Variants in RBP2 observed in about 807,000 individuals in gnomAD.
The protein encoded by RBP2 is retinol binding protein 2.
RBP2 carries 17 observed loss-of-function variants against 17.0 expected under a neutral mutation model. The ratio of observed to expected loss-of-function variants is 1.00; its 90% confidence interval spans 0.68 to 1.50. The LOEUF is 1.50. Ranked by LOEUF, RBP2 falls within the 40% of genes most tolerant of loss-of-function variation. The probability of loss-of-function intolerance (pLI) is 0.00; values close to 1 mark genes in which losing one functional copy is unlikely to be tolerated. For missense variants in RBP2, 158 were observed against 168.2 expected (o/e 0.94, Z 0.33); for synonymous variants, 48 against 57.1 (o/e 0.84, Z 0.72).
chr3:139,453,215 C>T, intron 3 of RBP2, 49 bp from the exon 4 acceptor site: 6 of 1,605,952 alleles, frequency 3.7e-6, no homozygotes, highest in Non-Finnish European at 5.1e-6. Flanking sequence ...GGCCTTTCTT[C>T]TGCCCAGCCC....
chr3:139,457,589 C>G (rs1375111053), intron 2 of RBP2, among the ~76,000 whole-genome samples: 1 of 152,124 alleles, frequency 6.6e-6, no homozygotes, highest in African/African-American at 2.4e-5. Context: ...AATATTATAG[C>G]CTTACTCCTA....
intron 1 of RBP2, 80 bp from the exon 2 acceptor site, chr3:139,462,370 G>A: frequency 1.4e-6 from 2 of 1,409,670 alleles, no homozygotes; most frequent in Non-Finnish European, 2.0e-6. Flanking sequence ...AAACATTCAA[G>A]ACTAGAGACA....
intron 3 of RBP2, 48 bp from the exon 4 acceptor site, chr3:139,453,214 T>G: frequency 6.2e-7 from 1 of 1,608,482 alleles, no homozygotes; most frequent in Non-Finnish European, 8.5e-7. Context: ...AGGCCTTTCT[T>G]CTGCCCAGCC....
At chr3:139,459,172 A>G (rs1459500286) in intron 2 of RBP2, among the ~76,000 whole-genome samples, 1 of 152,016 alleles carries the variant, frequency 6.6e-6, no homozygotes, top group African/African-American at 2.4e-5. Context: ...CATGAGGAGT[A>G]CCACACACAC....
chr3:139,458,195 T>C (rs1933045064), intron 2 of RBP2, among the ~76,000 whole-genome samples: 3 of 151,864 alleles, frequency 2.0e-5, no homozygotes, highest in South Asian at 2.1e-4. Context: ...GCCAACACTT[T>C]TTTTTTTTAA....
chr3:139,463,706 A>G (rs1455978177), intron 1 of RBP2, among the ~76,000 whole-genome samples: 1 of 152,134 alleles, frequency 6.6e-6, no homozygotes, highest in Admixed American at 6.6e-5. Flanking sequence ...AAAATACTTG[A>G]ATTTCTTTCC....
chr3:139,466,737 A>G (rs574190931), intron 1 of RBP2: 10 of 152,328 alleles, frequency 6.6e-5, no homozygotes, highest in Admixed American at 3.9e-4. Flanking sequence ...GCCTGTGATC[A>G]TGGCTCTGTA....
chr3:139,467,663 C>T (rs1167649747), intron 1 of RBP2, among the ~76,000 whole-genome samples: 2 of 152,146 alleles, frequency 1.3e-5, no homozygotes, highest in Non-Finnish European at 2.9e-5. Context: ...GTAGCTTGTC[C>T]ATATGCAGTG....
intron 2 of RBP2, among the ~76,000 whole-genome samples, chr3:139,461,593 G>A (rs1001183249): frequency 6.6e-6 from 1 of 151,834 alleles, no homozygotes; most frequent in Admixed American, 6.6e-5. Flanking sequence ...AAATCAGCTG[G>A]GATCATCTAT....
chr3:139,475,292 C>G (rs1033507982), intron 1 of RBP2, among the ~76,000 whole-genome samples: 3 of 145,468 alleles, frequency 2.1e-5, no homozygotes, highest in Non-Finnish European at 4.5e-5. Flanking sequence ...GCACTCCAGC[C>G]TGGGCGACAG....
intron 2 of RBP2, among the ~76,000 whole-genome samples, chr3:139,456,460 G>A (rs754889423): frequency 3.9e-5 from 6 of 152,288 alleles, no homozygotes; most frequent in South Asian, 4.2e-4. Flanking sequence ...TAGAAGCTTC[G>A]TAAATTCTGT....
At chr3:139,453,725 G>C (rs1002760500) in intron 3 of RBP2, among the ~76,000 whole-genome samples, 3 of 152,224 alleles carry the variant, frequency 2.0e-5, no homozygotes, top group African/African-American at 7.2e-5. Flanking sequence ...GACCCTCACT[G>C]ATCCTCGAAG....
intron 1 of RBP2, among the ~76,000 whole-genome samples, chr3:139,472,147 A>G (rs1192302721): frequency 2.0e-5 from 3 of 152,134 alleles, no homozygotes; most frequent in East Asian, 3.9e-4. Context: ...CCCACCAAGA[A>G]GTACTCAGGA....
At position 139,453,079 on chromosome 3, in the gene RBP2, T is replaced by C. The variant is rs1290988555; in HGVS notation, c.*37A>G. ...CCAGTAGACCACTCAGTGTGGGCAG[T>C]GGGGAGCTTGTGCTTGGCAGGCCTC... On this transcript the variant is annotated 3_prime_UTR_variant, in exon 4 of 4. Transcript: ENST00000232217. 1.2e-6 allele frequency: 2 copies of C among 1,613,372 alleles called. No homozygotes were observed. Among genetic ancestry groups the C allele is most frequent in the South Asian group, 1.1e-5 (1 of 91,052 alleles).
chr3:139,462,122 C>T lies in RBP2; in HGVS notation c.242G>A (p.Arg81Gln), dbSNP rs780544123. The T allele has an allele frequency of 3.0e-5, 48 of 1,613,920 alleles. No homozygotes were observed. Among genetic ancestry groups the T allele is most frequent in the African/African-American group, 5.3e-5 (4 of 74,880 alleles). Residue 81 changes from arginine (R) to glutamine (Q), a missense_variant, in exon 2 of 4, where the codon CGG becomes CAG. Transcript: ENST00000232217. ...AGCCCCGGTCAGTACCTTAACATGC[C>T]GGTTATCCAGGCTCTTTGTGTACTC... ...FDEYTKSLDN[R>Q]HVKALVTWEG... is the part of the protein sequence containing the mutation.
rs551905625 is a variant in RBP2 at position 139,467,109 on chromosome 3, A to G, written c.74-4819T>C. Among the ~76,000 whole-genome samples, 66 of 152,340 alleles carry G rather than the reference A, an allele frequency of 4.3e-4. 1 individual carries two copies. Among genetic ancestry groups the G allele is most frequent in the African/African-American group, 1.6e-3 (65 of 41,570 alleles). On this transcript the variant is annotated intron_variant, in intron 1 of 3. Transcript: ENST00000232217. ...CTTGCTCTGTGTTCTTCCCCACCAC[A>G]CCATCATAGAACCAGGTCTTGAGCT...
intron 1 of RBP2, among the ~76,000 whole-genome samples, chr3:139,470,529 G>A (rs141874874): frequency 2.0e-4 from 31 of 151,906 alleles, no homozygotes; most frequent in African/African-American, 7.5e-4. Flanking sequence ...AGAATACAAA[G>A]AGGATTAATT....
rs188809485 is a variant in RBP2 at position 139,464,020 on chromosome 3, A to G, written c.74-1730T>C. Reference sequence around the variant, plus strand: ...GTGTCCGGTACAGGACAAACACTATATTGTGGCCATGAAAGACAGAGCAGC... The same window carrying G: ...GTGTCCGGTACAGGACAAACACTATGTTGTGGCCATGAAAGACAGAGCAGC... On this transcript the variant is annotated intron_variant, in intron 1 of 3. Transcript: ENST00000232217. Among the ~76,000 whole-genome samples, 4 of 152,320 alleles carry G rather than the reference A, an allele frequency of 2.6e-5. No homozygotes were observed. The East Asian group carries it at 7.7e-4, about 29-fold the overall frequency.
At chr3:139,475,022 G>A (rs961753348) in intron 1 of RBP2, among the ~76,000 whole-genome samples, 6 of 152,094 alleles carry the variant, frequency 3.9e-5, no homozygotes, top group Non-Finnish European at 7.4e-5. Context: ...TTGGAAACCA[G>A]TCTAAAGAAC....
Sources: allele counts gnomAD v4.1 joint callset (sites outside exome capture counted in the v4.1 genomes callset), GRCh38; gene constraint gnomAD v4.1.1; transcripts MANE v1.5; gene names NCBI Gene and HGNC (gene_info 2026-07-23, HGNC 2026-07-21).